PLXNA2: variants seen among roughly 807,000 people sequenced by gnomAD.
The protein encoded by PLXNA2 is plexin A2.
A neutral mutation model predicts 193.5 loss-of-function variants in PLXNA2; 91 were observed. That is an observed-to-expected ratio of 0.47 (90% CI 0.40 to 0.56). The LOEUF (loss-of-function observed/expected upper bound fraction) is 0.56, where lower values mean the gene tolerates loss of function less well. Ranked by LOEUF, PLXNA2 falls within the 20% of genes least tolerant of loss-of-function variation. The pLI is 0.00. For synonymous variants in PLXNA2, 997 were observed against 1,027.3 expected, an observed-to-expected ratio of 0.97 and a Z score of 0.56; for missense variants, 1,995 against 2,503.2, an observed-to-expected ratio of 0.80 and a Z score of 4.33.
chr1:208,201,813 C>T (rs1354212453), intron 3 of PLXNA2, among the ~76,000 whole-genome samples: 1 of 152,100 alleles, frequency 6.6e-6, no homozygotes, highest in Non-Finnish European at 1.5e-5. Flanking sequence ...TGCACATATG[C>T]CCATGTGCCC....
chr1:208,055,244 C>T (rs1220877738), intron 13 of PLXNA2, among the ~76,000 whole-genome samples: 2 of 152,136 alleles, frequency 1.3e-5, no homozygotes, highest in African/African-American at 4.8e-5. Context: ...ACGTCTCACA[C>T]TAACGGGAGA....
Position 208,217,250 on chromosome 1 carries a change from G to C in PLXNA2, c.673C>G (p.Leu225Val), listed in dbSNP as rs368778836. 6.2e-7 allele frequency: 1 copy of C among 1,614,160 alleles called. No individual in the cohort carries two copies. Among genetic ancestry groups the C allele is most frequent in the Non-Finnish European group, 8.5e-7 (1 of 1,180,036 alleles). Residue 225 changes from leucine to valine, a missense_variant, in exon 2 of 32, where the codon CTC becomes GTC. Physicochemically the swap from Leu to Val is conservative, Grantham distance 32. Around this residue, in one of 3 missense-constraint regions of PLXNA2, gnomAD observed 702 missense variants for 812.9 expected, o/e 0.86. Transcript: ENST00000367033. The surrounding 1 kb of genome is among the most constrained non-coding windows in gnomAD (Gnocchi z 4.7). ...AGGGTGTCTGAAGGGATCTTGATGA[G>C]AGAGGAGACAAAATCGCTGTGTAGC... ...YELHSDFVSS[L>V]IKIPSDTLAL...
chr1:208,194,732 C>T (rs992966858), intron 3 of PLXNA2, among the ~76,000 whole-genome samples: 2 of 152,210 alleles, frequency 1.3e-5, no homozygotes, highest in African/African-American at 4.8e-5. Flanking sequence ...CTGTCCTTCT[C>T]CACCTCCCAG....
At chr1:208,145,821 A>G (rs957126590) in intron 3 of PLXNA2, among the ~76,000 whole-genome samples, 1 of 152,234 alleles carries the variant, frequency 6.6e-6, no homozygotes, top group Non-Finnish European at 1.5e-5. Flanking sequence ...TCAAACCTAC[A>G]TAAGTCTCAA....
chr1:208,040,682 G>A (rs986383236), intron 22 of PLXNA2, among the ~76,000 whole-genome samples: 3 of 152,240 alleles, frequency 2.0e-5, no homozygotes, highest in Admixed American at 6.5e-5. Context: ...AGGGTTGAAT[G>A]AGTTAATATT....
chr1:208,141,211 T>C (rs1405788346), intron 4 of PLXNA2, among the ~76,000 whole-genome samples: 2 of 152,240 alleles, frequency 1.3e-5, no homozygotes, highest in Non-Finnish European at 2.9e-5. Flanking sequence ...GCATCACTGC[T>C]TCCCTTAATG....
At chr1:208,160,247 G>A (rs141603417) in intron 3 of PLXNA2, among the ~76,000 whole-genome samples, 120 of 152,314 alleles carry the variant, frequency 7.9e-4, no homozygotes, top group African/African-American at 2.8e-3. Context: ...GGGTTATTGC[G>A]GGGAATTTAG....
chr1:208,049,069 C>G (rs1665167687), intron 17 of PLXNA2, among the ~76,000 whole-genome samples: 1 of 152,146 alleles, frequency 6.6e-6, no homozygotes, highest in South Asian at 2.1e-4. Flanking sequence ...TGATCCTAAA[C>G]TTGCTTACCC....
chr1:208,211,826 T>C (rs1157793487), intron 2 of PLXNA2, among the ~76,000 whole-genome samples: 1 of 152,212 alleles, frequency 6.6e-6, no homozygotes, highest in East Asian at 1.9e-4. Context: ...GAATGTTAAA[T>C]TGATGATTTC....
chr1:208,052,177 C>A (rs534538983), intron 15 of PLXNA2, 150 bp downstream of exon 15: 7 of 700,526 alleles, frequency 1.0e-5, no homozygotes, highest in South Asian at 1.9e-5. Context: ...GCATATATTT[C>A]TCACAGTGAC....
chr1:208,110,699 G>T (rs756290037), intron 4 of PLXNA2, among the ~76,000 whole-genome samples: 1 of 152,142 alleles, frequency 6.6e-6, no homozygotes, highest in Non-Finnish European at 1.5e-5. Flanking sequence ...TCCTTTGTAG[G>T]GTAACAGAAA....
At chr1:208,219,558 A>C (rs151083430) in intron 1 of PLXNA2, among the ~76,000 whole-genome samples, 1 of 152,352 alleles carries the variant, frequency 6.6e-6, no homozygotes, top group Non-Finnish European at 1.5e-5. Context: ...AAGGCAGCTT[A>C]GGAGAGGCCT....
intron 31 of PLXNA2, among the ~76,000 whole-genome samples, chr1:208,027,755 T>C (rs1447620606): frequency 6.6e-6 from 1 of 152,254 alleles, no homozygotes; most frequent in Non-Finnish European, 1.5e-5. Flanking sequence ...AAATTAATTA[T>C]ACCATACTTT....
At chr1:208,179,842 A>G (rs1412420910) in intron 3 of PLXNA2, among the ~76,000 whole-genome samples, 1 of 152,202 alleles carries the variant, frequency 6.6e-6, no homozygotes, top group African/African-American at 2.4e-5. Context: ...GTCATCTGGT[A>G]GCATCTTCCT....
At chr1:208,234,692 G>C (rs183557076) in intron 1 of PLXNA2, among the ~76,000 whole-genome samples, 2 of 152,264 alleles carry the variant, frequency 1.3e-5, no homozygotes. Context: ...CCTGCCCCCA[G>C]GAGCTCTCGT....
chr1:208,190,007 G>C (rs1412602202), intron 3 of PLXNA2, among the ~76,000 whole-genome samples: 1 of 152,206 alleles, frequency 6.6e-6, no homozygotes, highest in Non-Finnish European at 1.5e-5. Context: ...TGGGGTGGGG[G>C]AAGGAGGGTG....
chr1:208,218,900 C>G (rs1321983476), intron 1 of PLXNA2, among the ~76,000 whole-genome samples: 1 of 152,214 alleles, frequency 6.6e-6, no homozygotes, highest in Non-Finnish European at 1.5e-5. Flanking sequence ...GAGAACCAGT[C>G]TCCTTGCTAG....
At chr1:208,034,651 G>A (rs1415501270) in intron 26 of PLXNA2, 59 bp from the exon 27 acceptor site, 1 of 1,053,530 alleles carries the variant, frequency 9.5e-7, no homozygotes, top group Non-Finnish European at 1.5e-6. Context: ...TGGGAAGTTG[G>A]ATAGTCAAGT....
At chr1:208,027,619 T>A (rs1215453435) in intron 31 of PLXNA2, among the ~76,000 whole-genome samples, 3 of 152,334 alleles carry the variant, frequency 2.0e-5, no homozygotes, top group South Asian at 4.1e-4. Context: ...CTAAAGAAGC[T>A]TTGTGAGTTT....
Sources: gnomAD v4.1 joint callset for allele counts (sites outside exome capture counted in the v4.1 genomes callset) on GRCh38, gnomAD v4.1.1 for gene constraint, gnomAD v4.1.1 regional missense constraint, Gnocchi (gnomAD v3.1) non-coding constraint, MANE v1.5 for transcripts, NCBI Gene and HGNC (gene_info 2026-07-23, HGNC 2026-07-21) for gene names.